Variants in EZH2 observed in about 807,000 individuals in gnomAD.
EZH2 encodes the protein histone-lysine N-methyltransferase EZH2.
A neutral mutation model predicts 98.4 loss-of-function variants in EZH2; 18 were observed. The ratio of observed to expected loss-of-function variants is 0.18; its 90% CI spans 0.13 to 0.27. The LOEUF is 0.27. Among genes scored for constraint, EZH2 ranks in the 10% least tolerant of loss-of-function variants. The pLI, the probability that EZH2 is intolerant of heterozygous loss-of-function variation, is 1.00. For missense variants in EZH2, 470 were observed against 935.1 expected, an observed-to-expected ratio of 0.50 and a Z score of 6.49; for synonymous variants, 338 against 312.3, an observed-to-expected ratio of 1.08 and a Z score of -0.87.
chr7:148,860,515 T>C (rs918094084), intron 1 of EZH2, among the ~76,000 whole-genome samples: 4 of 151,902 alleles, frequency 2.6e-5, no homozygotes, highest in African/African-American at 7.3e-5. Context: ...TTAGCTAGCA[T>C]AGAAAAATAA....
rs868376126 is a variant in EZH2, at chr7:148,808,888, C to A, written c.2195+183G>T. On this transcript the variant is annotated intron_variant, in intron 19 of 19. Transcript: ENST00000320356. ...TACTCTATTTTAAAAATAAGCATGC[C>A]TTGTATAATATATAAATGGATAATA... 1.2e-4 allele frequency among the ~76,000 whole-genome samples: 18 copies of A among 152,078 alleles called. No homozygotes were observed. In the South Asian group the frequency reaches 1.5e-3, roughly 12 times the overall value.
At chr7:148,810,616 T>C (rs1802774582) in intron 16 of EZH2, among the ~76,000 whole-genome samples, 1 of 152,198 alleles carries the variant, frequency 6.6e-6, no homozygotes, top group Non-Finnish European at 1.5e-5. Context: ...TCAGAAATAT[T>C]TCCACATCCT....
intron 1 of EZH2, among the ~76,000 whole-genome samples, chr7:148,861,973 A>G (rs1409184429): frequency 6.6e-6 from 1 of 152,204 alleles, no homozygotes; most frequent in Non-Finnish European, 1.5e-5. Flanking sequence ...AAACATACTT[A>G]GCTTAGAAAA....
intron 1 of EZH2, among the ~76,000 whole-genome samples, chr7:148,862,704 C>T (rs886272781): frequency 6.6e-6 from 1 of 152,202 alleles, no homozygotes; most frequent in African/African-American, 2.4e-5. Flanking sequence ...GCACTTTACA[C>T]ACATTCCCAT....
intron 3 of EZH2, among the ~76,000 whole-genome samples, chr7:148,839,571 TTTTTTTG>T (rs1012048556): frequency 3.9e-5 from 6 of 152,024 alleles, no homozygotes; most frequent in South Asian, 2.1e-4. Flanking sequence ...AAAAACTATT[TTTTTTTG>T]TTTTTTGTTT....
At chr7:148,849,942 G>A (rs1815242227) in intron 1 of EZH2, among the ~76,000 whole-genome samples, 1 of 152,120 alleles carries the variant, frequency 6.6e-6, no homozygotes, top group Admixed American at 6.5e-5. Context: ...ATTTCTCCTT[G>A]GAGGTAGCAC....
chr7:148,846,580 G>A lies in EZH2; in HGVS notation c.136C>T (p.Arg46Cys), dbSNP rs1199671048. 1.9e-6 allele frequency: 3 copies of A among 1,603,624 alleles called. No individual in the cohort carries two copies. The highest frequency in any genetic ancestry group is 2.2e-5 in the East Asian group (1 of 44,650). Residue 46 changes from arginine to cysteine, a missense_variant, in exon 3 of 20, where the codon CGT becomes TGT. Transcript: ENST00000320356. ...TCCGTTCTTTCCAAAATTTTCTGAC[G>A]ATTGGAACTAAACATACTCTTAAAA... is the stretch of plus-strand genomic sequence containing the variant. ...DEVKSMFSSN[R>C]QKILERTEIL...
rs922723257 is a variant in EZH2 at position 148,819,818 on chromosome 7, A to T, written c.908-131T>A. ...ATATGTGGTTTACGTTACTTCATAC[A>T]ACTTTCCTTCAGGCTCTTACTGAAT... is the stretch of plus-strand genomic sequence containing the variant. On this transcript the variant is annotated intron_variant, in intron 8 of 19. Coordinates refer to ENST00000320356, the MANE Select transcript of EZH2 (RefSeq NM_004456.5). The T allele has an allele frequency of 4.1e-6, 3 of 727,402 alleles. No homozygotes were observed. The South Asian group carries it at 5.6e-5, about 14-fold the overall frequency. The allele number at this position is 727,402 out of a possible 1,614,324, so 45.1% of individuals were successfully genotyped here.
At chr7:148,880,012 G>A (rs997527530) in intron 1 of EZH2, among the ~76,000 whole-genome samples, 1 of 152,256 alleles carries the variant, frequency 6.6e-6, no homozygotes. Context: ...AGGAGGCTGA[G>A]ACAGGAGGAT....
intron 1 of EZH2, among the ~76,000 whole-genome samples, chr7:148,851,326 T>G (rs1452896842): frequency 6.6e-6 from 1 of 152,138 alleles, no homozygotes; most frequent in Non-Finnish European, 1.5e-5. Context: ...TTTCCGGAAT[T>G]TCTTTTTTAA....
chr7:148,825,393 C>T (rs1467649040), intron 8 of EZH2, among the ~76,000 whole-genome samples: 1 of 152,168 alleles, frequency 6.6e-6, no homozygotes, highest in African/African-American at 2.4e-5. Context: ...AATGATAATT[C>T]TAAAAATCTA....
chr7:148,828,441 A>C (rs1808375111), intron 6 of EZH2, among the ~76,000 whole-genome samples: 1 of 151,988 alleles, frequency 6.6e-6, no homozygotes, highest in Admixed American at 6.6e-5. Flanking sequence ...GGGCTCAAGC[A>C]ATCACCCTGT....
chr7:148,816,954 T>TG, intron 11 of EZH2, 176 bp from the exon 12 acceptor site: 1 of 606,186 alleles, frequency 1.6e-6, no homozygotes, highest in Non-Finnish European at 2.9e-6. Context: ...AATTATATTC[T>TG]GGTCAAGAAC....
chr7:148,867,580 T>A (rs2129490195), intron 1 of EZH2, among the ~76,000 whole-genome samples: 1 of 152,324 alleles, frequency 6.6e-6, no homozygotes, highest in Admixed American at 6.5e-5. Context: ...TATTTCCAGA[T>A]TAATACCAAG....
At chr7:148,873,576 T>TTC (rs1405402950) in intron 1 of EZH2, among the ~76,000 whole-genome samples, 1 of 139,586 alleles carries the variant, frequency 7.2e-6, no homozygotes, top group East Asian at 2.0e-4. Flanking sequence ...TTTTTTTTTT[T>TTC]TTTTTGCCTC....
At chr7:148,821,520 A>G (rs1207529174) in intron 8 of EZH2, among the ~76,000 whole-genome samples, 2 of 152,218 alleles carry the variant, frequency 1.3e-5, no homozygotes, top group African/African-American at 2.4e-5. Flanking sequence ...AGAACTAGAC[A>G]AACAGATTTT....
intron 1 of EZH2, among the ~76,000 whole-genome samples, chr7:148,862,067 C>T (rs897650707): frequency 6.6e-6 from 1 of 152,126 alleles, no homozygotes; most frequent in Non-Finnish European, 1.5e-5. Flanking sequence ...TAAAAAGTGG[C>T]TAGTTCAGTT....
At chr7:148,873,492 A>C (rs1436724441) in intron 1 of EZH2, among the ~76,000 whole-genome samples, 5 of 87,248 alleles carry the variant, frequency 5.7e-5, no homozygotes, top group Admixed American at 5.7e-4. Context: ...ACTCTGTCTC[A>C]AAAAAAAAAA....
intron 1 of EZH2, among the ~76,000 whole-genome samples, chr7:148,879,839 C>T (rs1476718262): frequency 6.6e-6 from 1 of 151,436 alleles, no homozygotes; most frequent in African/African-American, 2.4e-5. Flanking sequence ...AACACAATGG[C>T]TCAGCCTGTC....
Sources: allele counts gnomAD v4.1 joint callset (sites outside exome capture counted in the v4.1 genomes callset), GRCh38; gene constraint gnomAD v4.1.1; transcripts MANE v1.5; gene names NCBI Gene and HGNC (gene_info 2026-07-23, HGNC 2026-07-21).